GABBR2: variants seen among roughly 807,000 people sequenced by gnomAD.
GABBR2 encodes the protein gamma-aminobutyric acid type B receptor subunit 2.
Under a neutral mutation model 105.6 loss-of-function variants are expected in GABBR2, and 23 were observed. The ratio of observed to expected loss-of-function variants is 0.22; its 90% CI spans 0.16 to 0.31. GABBR2 has a LOEUF of 0.31. Among genes scored for constraint, GABBR2 ranks in the 10% least tolerant of loss-of-function variants. The pLI is 1.00. For missense variants in GABBR2, 734 were observed against 1,245.5 expected (o/e 0.59, Z 6.18); for synonymous variants, 478 against 499.7 (o/e 0.96, Z 0.58).
intron 7 of GABBR2, among the ~76,000 whole-genome samples, chr9:98,431,027 C>T (rs1178357423): frequency 1.3e-5 from 2 of 151,776 alleles, no homozygotes; most frequent in Non-Finnish European, 2.9e-5. Flanking sequence ...AAGTGGAAGC[C>T]CCCAACTCCA....
At chr9:98,331,392 T>C (rs986134325) in intron 13 of GABBR2, among the ~76,000 whole-genome samples, 14 of 132,640 alleles carry the variant, frequency 1.1e-4, no homozygotes, top group Admixed American at 3.2e-4. Context: ...GAAAAGTCCC[T>C]CTTCTTTTTT....
chr9:98,496,623 G>A lies in GABBR2; in HGVS notation c.631-109C>T, dbSNP rs982800970. On this transcript the variant is annotated intron_variant, in intron 3 of 18. Coordinates refer to ENST00000259455, the MANE Select transcript of GABBR2 (RefSeq NM_005458.8). ...ATTGGGCAAAGCGATTTTCTCTACC[G>A]ACAATGCAAAGTGAGTGGTTTTGTT... 22 of 737,156 alleles carry A rather than the reference G, an allele frequency of 3.0e-5. 1 individual carries two copies. The Admixed American group carries it at 3.2e-4, about 11-fold the overall frequency. 45.7% of individuals were successfully genotyped at this position (737,156 alleles called of 1,614,324 possible).
intron 1 of GABBR2, among the ~76,000 whole-genome samples, chr9:98,617,875 G>A (rs559559486): frequency 6.6e-6 from 1 of 152,310 alleles, no homozygotes; most frequent in African/African-American, 2.4e-5. Flanking sequence ...TCTGCACCCA[G>A]TGATGCCCCC....
intron 3 of GABBR2, among the ~76,000 whole-genome samples, chr9:98,532,345 T>C (rs1186766734): frequency 1.3e-5 from 2 of 152,312 alleles, no homozygotes; most frequent in East Asian, 3.9e-4. Flanking sequence ...GGATGCTTGC[T>C]TGGGCAGGCA....
intron 11 of GABBR2, among the ~76,000 whole-genome samples, chr9:98,377,868 G>A (rs1367608933): frequency 2.6e-5 from 4 of 152,184 alleles, no homozygotes; most frequent in Non-Finnish European, 4.4e-5. Context: ...GCCAGTCCCT[G>A]TGACCCTCTC....
At chr9:98,562,065 T>C (rs1279705052) in intron 2 of GABBR2, among the ~76,000 whole-genome samples, 1 of 152,114 alleles carries the variant, frequency 6.6e-6, no homozygotes, top group Admixed American at 6.5e-5. Context: ...AAAATGTATA[T>C]TTACAATAAA....
At chr9:98,417,653 G>A (rs1285179444) in intron 7 of GABBR2, among the ~76,000 whole-genome samples, 1 of 152,158 alleles carries the variant, frequency 6.6e-6, no homozygotes, top group Non-Finnish European at 1.5e-5. Context: ...GACACAGCAT[G>A]CTAGACCCTG....
At chr9:98,637,627 T>TA (rs1236200111) in intron 1 of GABBR2, among the ~76,000 whole-genome samples, 1 of 152,094 alleles carries the variant, frequency 6.6e-6, no homozygotes, top group Non-Finnish European at 1.5e-5. Context: ...TGATGTCATG[T>TA]AAAAAAGACT....
intron 1 of GABBR2, among the ~76,000 whole-genome samples, chr9:98,594,171 G>A (rs1456509342): frequency 6.6e-6 from 1 of 152,164 alleles, no homozygotes; most frequent in African/African-American, 2.4e-5. Flanking sequence ...AGCAGCCTTG[G>A]GCACAGCTGT....
chr9:98,628,503 G>A (rs368556473), intron 1 of GABBR2, among the ~76,000 whole-genome samples: 12 of 152,280 alleles, frequency 7.9e-5, no homozygotes, highest in African/African-American at 2.9e-4. Context: ...TGAGCTTGCT[G>A]TGAAATTGCC....
In GABBR2 at chr9:98,562,971, G is replaced by A. The variant is rs191448635; in HGVS notation, c.459+14964C>T. Among the ~76,000 whole-genome samples the A allele has an allele frequency of 3.8e-3, 579 of 151,254 alleles. 2 individuals are homozygous for A. The highest frequency in any genetic ancestry group is 0.013 in the African/African-American group (539 of 41,136). On this transcript the variant is annotated intron_variant, in intron 2 of 18. Coordinates refer to ENST00000259455, the MANE Select transcript of GABBR2 (RefSeq NM_005458.8). ...TGTAATCCCAGCTACTTGGGGGGCTGAGGGGGGAGGATCGCTTGAGCCCGG... is the reference window on the plus strand; with the variant it reads ...TGTAATCCCAGCTACTTGGGGGGCTAAGGGGGGAGGATCGCTTGAGCCCGG...
At chr9:98,545,673 AC>A (rs1052827669) in intron 2 of GABBR2, among the ~76,000 whole-genome samples, 18 of 152,112 alleles carry the variant, frequency 1.2e-4, no homozygotes, top group African/African-American at 4.1e-4. Flanking sequence ...ACAGCTCCAC[AC>A]CCCTGGTTTG....
At chr9:98,668,742 G>T (rs1041930666) in intron 1 of GABBR2, among the ~76,000 whole-genome samples, 2 of 152,026 alleles carry the variant, frequency 1.3e-5, no homozygotes, top group African/African-American at 4.8e-5. Context: ...TCTTCTCCAG[G>T]AACTGCACAT....
At chr9:98,593,410 A>G (rs1386319222) in intron 1 of GABBR2, among the ~76,000 whole-genome samples, 1 of 152,178 alleles carries the variant, frequency 6.6e-6, no homozygotes, top group Non-Finnish European at 1.5e-5. Flanking sequence ...GTGAGAGACC[A>G]GTGCAGTGGT....
At chr9:98,611,774 G>A (rs1829510521) in intron 1 of GABBR2, among the ~76,000 whole-genome samples, 1 of 152,220 alleles carries the variant, frequency 6.6e-6, no homozygotes, top group Non-Finnish European at 1.5e-5. Context: ...CGTGGCTGTG[G>A]TCACACTACA....
chr9:98,624,962 C>A (rs1829715003), intron 1 of GABBR2, among the ~76,000 whole-genome samples: 1 of 152,126 alleles, frequency 6.6e-6, no homozygotes, highest in Non-Finnish European at 1.5e-5. Context: ...TAGTGCAGAA[C>A]CTCCCCTCCA....
intron 17 of GABBR2, among the ~76,000 whole-genome samples, chr9:98,295,565 C>T (rs1361653286): frequency 1.3e-5 from 2 of 151,834 alleles, no homozygotes; most frequent in Non-Finnish European, 2.9e-5. Context: ...CTCACTCTGT[C>T]TCCAGGAGGA....
At chr9:98,373,176 T>C (rs1380196999) in intron 11 of GABBR2, among the ~76,000 whole-genome samples, 1 of 152,214 alleles carries the variant, frequency 6.6e-6, no homozygotes, top group Non-Finnish European at 1.5e-5. Flanking sequence ...ACATTTGTCA[T>C]CTGTCAGAGA....
chr9:98,306,209 C>G lies in GABBR2; in HGVS notation c.2141G>C (p.Arg714Pro). The change falls in exon 15 of 19, where the codon CGG (arginine) becomes CCG (proline). Residue 714 changes from arginine to proline, a missense_variant. This residue lies in a region of GABBR2 where 91 missense variants were observed against 185.9 expected (regional missense o/e 0.49). Coordinates refer to ENST00000259455, the MANE Select transcript of GABBR2 (RefSeq NM_005458.8). This position sits in a 1 kb window ranked among gnomAD's most constrained non-coding sequence, Gnocchi z 5.4. Reference protein sequence around the residue: ...IIGAAVSFLTRDQPNVQFCIV... With the variant: ...IIGAAVSFLTPDQPNVQFCIV... ...GCAGAACTGCACATTGGGCTGGTCC[C>G]GGGTCAGGAAGGAGACAGCGGCCCC... is the stretch of plus-strand genomic sequence containing the variant. The G allele has an allele frequency of 6.2e-7, 1 of 1,614,094 alleles. No individual in the cohort carries two copies. The highest frequency in any genetic ancestry group is 8.5e-7 in the Non-Finnish European group (1 of 1,179,998).
Sources: gnomAD v4.1 joint callset for allele counts (sites outside exome capture counted in the v4.1 genomes callset) on GRCh38, gnomAD v4.1.1 for gene constraint, gnomAD v4.1.1 regional missense constraint, Gnocchi (gnomAD v3.1) non-coding constraint, MANE v1.5 for transcripts, NCBI Gene and HGNC (gene_info 2026-07-23, HGNC 2026-07-21) for gene names.